The following GTF2B variants were observed in gnomAD, a reference collection of about 807,000 sequenced individuals.
GTF2B encodes the protein general transcription factor IIB.
Under a neutral mutation model 34.6 loss-of-function variants are expected in GTF2B, and 20 were observed. The observed-to-expected ratio is 0.58, with a 90% CI of 0.41 to 0.84. The LOEUF (loss-of-function observed/expected upper bound fraction) is 0.84. Ranked by LOEUF, GTF2B falls within the 40% of genes least tolerant of loss-of-function variation. The probability of loss-of-function intolerance (pLI) is 0.00; values close to 1 mark genes in which losing one functional copy is unlikely to be tolerated. For synonymous variants in GTF2B, 142 were observed against 132.4 expected (o/e 1.07, Z -0.50); for missense variants, 237 against 393.3 (o/e 0.60, Z 3.36).
chr1:88,853,569 C>T (rs1673237101), intron 6 of GTF2B, among the ~76,000 whole-genome samples: 1 of 152,194 alleles, frequency 6.6e-6, no homozygotes, highest in Non-Finnish European at 1.5e-5. Context: ...CTTTGGGAGG[C>T]CGAGGCGGGT....
chr1:88,873,124 T>C (rs2100972892), intron 2 of GTF2B, among the ~76,000 whole-genome samples: 1 of 151,356 alleles, frequency 6.6e-6, no homozygotes, highest in East Asian at 1.9e-4. Context: ...ATTAGCACAG[T>C]CCCCAGCAGA....
intron 2 of GTF2B, among the ~76,000 whole-genome samples, chr1:88,874,440 C>T (rs1022041434): frequency 2.0e-5 from 3 of 149,904 alleles, no homozygotes; most frequent in African/African-American, 7.3e-5. Context: ...CTTGGGGGAA[C>T]TAATTCCCCC....
At chr1:88,865,547 C>A (rs1448833404) in intron 2 of GTF2B, among the ~76,000 whole-genome samples, 1 of 151,952 alleles carries the variant, frequency 6.6e-6, no homozygotes, top group Non-Finnish European at 1.5e-5. Context: ...GATGGAGAAA[C>A]CCCGTCTCTA....
At chr1:88,866,068 G>A (rs1673553140) in intron 2 of GTF2B, among the ~76,000 whole-genome samples, 1 of 151,548 alleles carries the variant, frequency 6.6e-6, no homozygotes, top group Non-Finnish European at 1.5e-5. Flanking sequence ...CTTAGTGATA[G>A]ATTTAAAAAA....
At chr1:88,857,611 G>C in intron 5 of GTF2B, 124 bp from the exon 6 acceptor site, 3 of 530,840 alleles carry the variant, frequency 5.7e-6, no homozygotes, top group Non-Finnish European at 6.7e-6. Flanking sequence ...ATACCTTAAA[G>C]ATGAAACCCT....
At chr1:88,858,723 C>T (rs1219461095) in intron 5 of GTF2B, 1 of 152,162 alleles carries the variant, frequency 6.6e-6, no homozygotes, top group Non-Finnish European at 1.5e-5. Context: ...CTAAACTGAG[C>T]TTTGGTAGTG....
At chr1:88,868,523 A>C (rs1673609301) in intron 2 of GTF2B, among the ~76,000 whole-genome samples, 1 of 152,184 alleles carries the variant, frequency 6.6e-6, no homozygotes, top group African/African-American at 2.4e-5. Flanking sequence ...TTAGCTCTCA[A>C]TCCATATATT....
At chr1:88,874,497 ATTTTTTTTTTTTTT>A (rs56331310) in intron 2 of GTF2B, among the ~76,000 whole-genome samples, 1 of 83,576 alleles carries the variant, frequency 1.2e-5, no homozygotes, top group African/African-American at 4.5e-5. Context: ...AGCTAATTAA[ATTTTTTTTTTTTTT>A]TTTTTTTTTT....
intron 2 of GTF2B, among the ~76,000 whole-genome samples, chr1:88,877,005 A>AT (rs1673832319): frequency 6.6e-6 from 1 of 152,200 alleles, no homozygotes; most frequent in African/African-American, 2.4e-5. Context: ...AAATATGAAG[A>AT]TAAAAAATCT....
At chr1:88,854,592 T>C (rs1234616709) in intron 6 of GTF2B, among the ~76,000 whole-genome samples, 1 of 152,118 alleles carries the variant, frequency 6.6e-6, no homozygotes, top group Non-Finnish European at 1.5e-5. Flanking sequence ...AACCTCTGCC[T>C]CCCCGGTTCA....
In GTF2B at chr1:88,857,490, A is replaced by AAG; in HGVS notation, c.536-4_536-3insCT. On this transcript the variant is annotated splice_region_variant and splice_polypyrimidine_tract_variant and intron_variant, in intron 5 of 6. Coordinates refer to ENST00000370500, the MANE Select transcript of GTF2B (RefSeq NM_001514.6). Reference sequence around the variant, plus strand: ...AATTCGTGATACGGCACATATTTCTAAAAGAAAAAAAATTAAATAAATCAA... The same window carrying AAG: ...AATTCGTGATACGGCACATATTTCTAAGAAAGAAAAAAAATTAAATAAATCAA... 6.7e-7 allele frequency: 1 copy of AAG among 1,489,774 alleles called. No homozygotes were observed. Among genetic ancestry groups the AAG allele is most frequent in the Non-Finnish European group, 9.3e-7 (1 of 1,075,444 alleles). The allele number at this position is 1,489,774 out of a possible 1,614,324, so 92.3% of individuals were successfully genotyped here. A position where few individuals can be genotyped will look rare whatever the true frequency, so the allele number is the denominator to read the frequency against.
At position 88,857,228 on chromosome 1, in the gene GTF2B, T is replaced by C; in HGVS notation, c.795A>G (p.Ser265=). 1.9e-6 allele frequency: 3 copies of C among 1,612,944 alleles called. No homozygotes were observed. In the South Asian group the frequency reaches 3.3e-5, roughly 18 times the overall value. ...AAAIYMASQA[S]AEKRTQKEIG... is the part of the protein sequence containing the mutation. ...TACCTTTTTGGGTCCTCTTTTCAGC[T>C]GATGCCTGTGAGGCCATGTAAATAG... Residue 265 remains serine, a synonymous_variant, in exon 6 of 7, where the codon TCA becomes TCG. Coordinates refer to ENST00000370500, the MANE Select transcript of GTF2B (RefSeq NM_001514.6).
In GTF2B at chr1:88,891,369, T is replaced by C. The variant is rs1674202614; in HGVS notation, c.17+114A>G. The C allele has an allele frequency of 4.1e-6, 3 of 723,830 alleles. No homozygotes were observed. In the East Asian group the frequency reaches 8.4e-5, roughly 20 times the overall value. 44.8% of individuals were successfully genotyped at this position (723,830 alleles called of 1,614,324 possible). A position where few individuals can be genotyped will look rare whatever the true frequency, so the allele number is the denominator to read the frequency against. ...CCGGCCCGTCGGCCAGTCCCGCCGC[T>C]TCTCTCCCATACCCCTAGGCGCTCA... On this transcript the variant is annotated intron_variant, in intron 1 of 6. Transcript: ENST00000370500.
Position 88,873,292 on chromosome 1 carries a change from T to A in GTF2B, c.125-9178A>T, listed in dbSNP as rs1673742847. ...GCAACCTCCACCTCCCAAGTTCAAG[T>A]GATTCTCCTTTCTCAGCCTTCTAAG... On this transcript the variant is annotated intron_variant, in intron 2 of 6. Coordinates refer to ENST00000370500, the MANE Select transcript of GTF2B (RefSeq NM_001514.6). Among the ~76,000 whole-genome samples the A allele has an allele frequency of 3.3e-5, 5 of 150,036 alleles. No homozygotes were observed. In the South Asian group the frequency reaches 1.1e-3, roughly 32 times the overall value.
At chr1:88,857,700 T>TTTTTTTTTTTTTTTA (rs1673346959) in intron 5 of GTF2B, among the ~76,000 whole-genome samples, 6 of 147,398 alleles carry the variant, frequency 4.1e-5, no homozygotes, top group Admixed American at 6.8e-5. Flanking sequence ...CCTTTTTTTT[T>TTTTTTTTTTTTTTTA]GAGATGAAGT....
chr1:88,865,209 C>CT (rs1022817740), intron 2 of GTF2B, among the ~76,000 whole-genome samples: 1 of 152,166 alleles, frequency 6.6e-6, no homozygotes, highest in Non-Finnish European at 1.5e-5. Flanking sequence ...ATTTCTATGT[C>CT]TTTATTACCT....
At chr1:88,863,178 T>C (rs935276736) in intron 3 of GTF2B, among the ~76,000 whole-genome samples, 1 of 152,164 alleles carries the variant, frequency 6.6e-6, no homozygotes, top group African/African-American at 2.4e-5. Flanking sequence ...ATATAAATAC[T>C]TTACATACAT....
At chr1:88,868,147 T>C (rs1673601043) in intron 2 of GTF2B, among the ~76,000 whole-genome samples, 1 of 152,276 alleles carries the variant, frequency 6.6e-6, no homozygotes, top group African/African-American at 2.4e-5. Flanking sequence ...TTTTAAAAGT[T>C]GCTCTGGAAG....
At chr1:88,869,594 T>A (rs1673641388) in intron 2 of GTF2B, among the ~76,000 whole-genome samples, 1 of 152,156 alleles carries the variant, frequency 6.6e-6, no homozygotes, top group Non-Finnish European at 1.5e-5. Context: ...TGGCTATTGC[T>A]GGGTGGGAGT....
Sources: gnomAD v4.1 joint callset for allele counts (sites outside exome capture counted in the v4.1 genomes callset) on GRCh38, gnomAD v4.1.1 for gene constraint, MANE v1.5 for transcripts, NCBI Gene and HGNC (gene_info 2026-07-23, HGNC 2026-07-21) for gene names.